The following NHSL3 variants were observed in gnomAD, a reference collection of about 807,000 sequenced individuals.
NHSL3 encodes the protein NHS like 3.
chr1:32,765,895 G>A, the NHSL3 span: 1 of 1,426,294 alleles, frequency 7.0e-7, no homozygotes, highest in Non-Finnish European at 9.6e-7. Context: ...CCCTTATGTA[G>A]AATGAGGAAT....
chr1:32,751,356 A>G, the NHSL3 span, among the ~76,000 whole-genome samples: 1 of 152,190 alleles, frequency 6.6e-6, no homozygotes, highest in African/African-American at 2.4e-5. Flanking sequence ...CACCGTTGCT[A>G]CTACAGCTAA....
chr1:32,749,683 G>A, the NHSL3 span, among the ~76,000 whole-genome samples: 2 of 152,148 alleles, frequency 1.3e-5, no homozygotes, highest in African/African-American at 4.8e-5. Context: ...GTGAAGAGCT[G>A]AGAAGGAAGC....
chr1:32,753,860 G>A, the NHSL3 span, among the ~76,000 whole-genome samples: 1 of 152,176 alleles, frequency 6.6e-6, no homozygotes, highest in African/African-American at 2.4e-5. Context: ...CGGTCTCCCA[G>A]GTCCCGGGAG....
the NHSL3 span, among the ~76,000 whole-genome samples, chr1:32,753,710 C>T: frequency 6.6e-6 from 1 of 152,224 alleles, no homozygotes; most frequent in African/African-American, 2.4e-5. Context: ...CTAGCGGCAG[C>T]AGGGCTGCGG....
the NHSL3 span, among the ~76,000 whole-genome samples, chr1:32,760,730 A>G: frequency 6.6e-6 from 1 of 151,964 alleles, no homozygotes; most frequent in African/African-American, 2.4e-5. Flanking sequence ...AGCCGGGATT[A>G]CAGGAGCTCG....
At chr1:32,770,320 A>C in the NHSL3 span, 2 of 1,612,468 alleles carry the variant, frequency 1.2e-6, no homozygotes, top group South Asian at 2.2e-5. The surrounding 1 kb of genome is among the most constrained non-coding windows in gnomAD (Gnocchi z 8.3). Flanking sequence ...AAGCCGCTGC[A>C]GCCTGCACTC....
chr1:32,773,011 A>C, the NHSL3 span: 2 of 897,400 alleles, frequency 2.2e-6, no homozygotes, highest in Non-Finnish European at 3.7e-6. Flanking sequence ...TGCAGCCTTA[A>C]CCTCCACGGC....
chr1:32,766,309 T>C, the NHSL3 span, among the ~76,000 whole-genome samples: 2 of 152,266 alleles, frequency 1.3e-5, no homozygotes, highest in African/African-American at 2.4e-5. Flanking sequence ...CTCCTAGGAA[T>C]TGGGCTTTCA....
At chr1:32,747,959 AT>A in the NHSL3 span, among the ~76,000 whole-genome samples, 2 of 152,012 alleles carry the variant, frequency 1.3e-5, no homozygotes, top group African/African-American at 4.8e-5. Flanking sequence ...AAATGCAAAA[AT>A]TAGCTGGGCA....
the NHSL3 span, among the ~76,000 whole-genome samples, chr1:32,750,187 T>C: frequency 1.3e-5 from 2 of 152,284 alleles, no homozygotes; most frequent in East Asian, 3.9e-4. Context: ...TGCAGCTTCC[T>C]TGGTTAGGAG....
the NHSL3 span, among the ~76,000 whole-genome samples, chr1:32,749,331 A>T: frequency 6.6e-6 from 1 of 152,172 alleles, no homozygotes; most frequent in African/African-American, 2.4e-5. Flanking sequence ...CGAAGGGCAG[A>T]GACTGGGTTG....
the NHSL3 span, chr1:32,771,134 C>A: frequency 6.2e-7 from 1 of 1,612,286 alleles, no homozygotes. Flanking sequence ...CAGATATTGA[C>A]CCCCCTGGGT....
the NHSL3 span, among the ~76,000 whole-genome samples, chr1:32,743,643 A>G: frequency 6.6e-6 from 1 of 152,234 alleles, no homozygotes; most frequent in Non-Finnish European, 1.5e-5. Flanking sequence ...CTAGTGGACT[A>G]GCAGTGTATA....
the NHSL3 span, among the ~76,000 whole-genome samples, chr1:32,756,205 C>T: frequency 1.3e-5 from 2 of 152,258 alleles, no homozygotes; most frequent in South Asian, 4.1e-4. Context: ...CAAAAGCCTT[C>T]TGGGTTGGGG....
At chr1:32,744,481 C>T in the NHSL3 span, among the ~76,000 whole-genome samples, 23 of 152,188 alleles carry the variant, frequency 1.5e-4, no homozygotes, top group Non-Finnish European at 8.8e-5. Context: ...AAACTCAAAT[C>T]ACCTGCCTCA....
At chr1:32,765,470 G>A in the NHSL3 span, among the ~76,000 whole-genome samples, 1 of 152,148 alleles carries the variant, frequency 6.6e-6, no homozygotes, top group East Asian at 1.9e-4. Flanking sequence ...GAGTATCTTC[G>A]GTCCTCCTAA....
the NHSL3 span, among the ~76,000 whole-genome samples, chr1:32,761,270 C>G: frequency 6.6e-6 from 1 of 152,184 alleles, no homozygotes; most frequent in Non-Finnish European, 1.5e-5. Flanking sequence ...TCACCTGAGA[C>G]TCAGGTTGCT....
the NHSL3 span, chr1:32,771,757 C>T: frequency 7.0e-4 from 1,135 of 1,613,706 alleles, no homozygotes; most frequent in Non-Finnish European, 8.6e-4. Context: ...TCAGAAGGAA[C>T]CGGTGGGCTG....
At chr1:32,768,676 G>A in the NHSL3 span, 9 of 1,614,186 alleles carry the variant, frequency 5.6e-6, no homozygotes, top group East Asian at 2.2e-5. Flanking sequence ...GCCGGATGAA[G>A]ACAACATCTC....
Sources: gnomAD v4.1 joint callset for allele counts (sites outside exome capture counted in the v4.1 genomes callset) on GRCh38, gnomAD v4.1.1 for gene constraint, Gnocchi (gnomAD v3.1) non-coding constraint, MANE v1.5 for transcripts, NCBI Gene and HGNC (gene_info 2026-07-23, HGNC 2026-07-21) for gene names.